Variants in ATP6V1G3 observed in about 807,000 individuals in gnomAD.
ATP6V1G3 encodes the protein V-type proton ATPase subunit G 3.
ATP6V1G3 carries 9 observed loss-of-function variants against 9.3 expected under a neutral mutation model. The ratio of observed to expected loss-of-function variants is 0.97; its 90% confidence interval spans 0.59 to 1.69. The LOEUF (loss-of-function observed/expected upper bound fraction) is 1.69. Ranked by LOEUF, ATP6V1G3 falls within the 40% of genes most tolerant of loss-of-function variation. ATP6V1G3 has a pLI of 0.00. For missense variants in ATP6V1G3, 133 were observed against 139.0 expected (o/e 0.96, Z 0.22); for synonymous variants, 43 against 43.8 (o/e 0.98, Z 0.07).
chr1:198,523,225 T>C lies in ATP6V1G3; in HGVS notation c.*166A>G. The stretch of plus-strand genomic sequence containing the variant: ...ACTAGAAAAGATATAGCAACAGTTG[T>C]ATTTTGTTTTGTTTAATTCAGTGCC... On this transcript the variant is annotated 3_prime_UTR_variant, in exon 3 of 3. Transcript: ENST00000367382. 1 of 645,764 alleles carries C rather than the reference T, an allele frequency of 1.5e-6. No individual in the cohort carries two copies. Among genetic ancestry groups the C allele is most frequent in the Non-Finnish European group, 2.6e-6 (1 of 385,060 alleles). The allele number at this position is 645,764 out of a possible 1,614,324, so 40.0% of individuals were successfully genotyped here.
rs977732012 is a variant in ATP6V1G3 at position 198,529,125 on chromosome 1, A to G, written c.139T>C (p.Tyr47His). Residue 47 changes from tyrosine to histidine, a missense_variant, in exon 2 of 3, where the codon TAC becomes CAC. Coordinates refer to ENST00000367382, the MANE Select transcript of ATP6V1G3 (RefSeq NM_001376861.1). Reference protein sequence around the residue: ...KEEAMVEIDQYRMQRDKEFRL... With the variant: ...KEEAMVEIDQHRMQRDKEFRL... Reference sequence around the variant, plus strand: ...AACTCTTTATCTCTCTGCATTCTGTACTGGTCAATTTCTACCATTGCTTCC... The same window carrying G: ...AACTCTTTATCTCTCTGCATTCTGTGCTGGTCAATTTCTACCATTGCTTCC... 4 of 1,487,792 alleles carry G rather than the reference A, an allele frequency of 2.7e-6. No homozygotes were observed. The African/African-American group carries it at 5.7e-5, about 21-fold the overall frequency. The allele number at this position is 1,487,792 out of a possible 1,614,324, so 92.2% of individuals were successfully genotyped here.
intron 1 of ATP6V1G3, among the ~76,000 whole-genome samples, chr1:198,538,218 G>A (rs1001255623): frequency 6.6e-6 from 1 of 152,136 alleles, no homozygotes; most frequent in Non-Finnish European, 1.5e-5. Context: ...TTAAGTTACT[G>A]GCAAATGAAA....
At chr1:198,535,270 A>G (rs1660061057) in intron 1 of ATP6V1G3, among the ~76,000 whole-genome samples, 2 of 152,166 alleles carry the variant, frequency 1.3e-5, no homozygotes, top group South Asian at 4.1e-4. Flanking sequence ...GGGCCATGAA[A>G]TTCTTATATA....
At chr1:198,530,896 G>A (rs1260647215) in intron 1 of ATP6V1G3, among the ~76,000 whole-genome samples, 4 of 151,738 alleles carry the variant, frequency 2.6e-5, no homozygotes, top group Admixed American at 1.3e-4. Context: ...ATGGGTTGTA[G>A]GATACATAAT....
At position 198,527,793 on chromosome 1, in the gene ATP6V1G3, A is replaced by G. The variant is rs545447424; in HGVS notation, c.183+1288T>C. On this transcript the variant is annotated intron_variant, in intron 2 of 2. Coordinates refer to ENST00000367382, the MANE Select transcript of ATP6V1G3 (RefSeq NM_001376861.1). ...AAGGAAAGATAGGCAATATGCAAAA[A>G]ACAATATAAAATATATCAGATAATG... 2.0e-4 allele frequency among the ~76,000 whole-genome samples: 30 copies of G among 152,314 alleles called. No homozygotes were observed. In the South Asian group the frequency reaches 6.2e-3, roughly 32 times the overall value.
intron 1 of ATP6V1G3, among the ~76,000 whole-genome samples, chr1:198,536,430 T>G (rs1660116492): frequency 6.6e-6 from 1 of 152,234 alleles, no homozygotes; most frequent in Non-Finnish European, 1.5e-5. Context: ...AGATCTCTGA[T>G]GTTTAGGTAA....
At chr1:198,538,771 C>T (rs937050330) in intron 1 of ATP6V1G3, among the ~76,000 whole-genome samples, 5 of 151,364 alleles carry the variant, frequency 3.3e-5, no homozygotes, top group South Asian at 2.1e-4. Flanking sequence ...GGTGTGGTGG[C>T]GTGTGTCTGT....
intron 1 of ATP6V1G3, 26 bp from the exon 2 acceptor site, chr1:198,529,207 TA>T: frequency 2.2e-6 from 1 of 459,390 alleles, no homozygotes. Context: ...TATATATATA[TA>T]TATATATAAT....
intron 1 of ATP6V1G3, chr1:198,536,779 T>G: frequency 7.5e-7 from 1 of 1,335,016 alleles, no homozygotes; most frequent in East Asian, 2.3e-5. Context: ...TATATCATTC[T>G]TCTATCATTA....
At chr1:198,535,533 T>A (rs1197224098) in intron 1 of ATP6V1G3, among the ~76,000 whole-genome samples, 2 of 151,990 alleles carry the variant, frequency 1.3e-5, no homozygotes, top group African/African-American at 4.8e-5. Flanking sequence ...TTTTCTTAAG[T>A]ATGTATTTTG....
At position 198,523,491 on chromosome 1, in the gene ATP6V1G3, C is replaced by G. The variant is rs759475189; in HGVS notation, c.257G>C (p.Gly86Ala). ...QTLGKIQELNGHYNKYMESVM... is the reference protein window; with the variant it reads ...QTLGKIQELNAHYNKYMESVM... ...ACTTTCCATATACTTATTGTAGTGT[C>G]CATTAAGTTCTTGTATCTTCCCTAG... The change falls in exon 3 of 3, where the codon GGA becomes GCA. Residue 86 changes from glycine (G) to alanine (A), a missense_variant. Physicochemically the swap from Gly to Ala is moderately conservative, Grantham distance 60 (BLOSUM62 0). Transcript: ENST00000367382. The G allele has an allele frequency of 6.2e-7, 1 of 1,613,002 alleles. No individual in the cohort carries two copies.
At chr1:198,536,781 C>A in intron 1 of ATP6V1G3, 2 of 1,317,178 alleles carry the variant, frequency 1.5e-6, no homozygotes, top group Non-Finnish European at 2.2e-6. Context: ...TATCATTCTT[C>A]TATCATTATT....
intron 2 of ATP6V1G3, among the ~76,000 whole-genome samples, chr1:198,528,010 A>G (rs1659730018): frequency 6.6e-6 from 1 of 152,130 alleles, no homozygotes; most frequent in Admixed American, 6.6e-5. Context: ...GGCATGTTCT[A>G]GCTGCTTGAG....
chr1:198,534,188 A>T (rs1202591913), intron 1 of ATP6V1G3, among the ~76,000 whole-genome samples: 1 of 152,174 alleles, frequency 6.6e-6, no homozygotes, highest in African/African-American at 2.4e-5. Flanking sequence ...GTCTTTGCAG[A>T]TGTAATCAGG....
intron 1 of ATP6V1G3, 96 bp from the exon 2 acceptor site, chr1:198,529,277 A>G (rs966596963): frequency 1.1e-5 from 3 of 280,084 alleles, no homozygotes; most frequent in Non-Finnish European, 1.7e-5. Flanking sequence ...ATATATATTA[A>G]CAACTGTACA....
intron 1 of ATP6V1G3, among the ~76,000 whole-genome samples, chr1:198,533,965 T>G (rs1272040891): frequency 6.6e-6 from 1 of 152,132 alleles, no homozygotes; most frequent in Non-Finnish European, 1.5e-5. Context: ...GAAGAAGTGT[T>G]CAATAGAAAA....
At chr1:198,535,226 G>A (rs1457633446) in intron 1 of ATP6V1G3, among the ~76,000 whole-genome samples, 1 of 152,020 alleles carries the variant, frequency 6.6e-6, no homozygotes, top group African/African-American at 2.4e-5. Flanking sequence ...AAAGGAAGAG[G>A]AAGTATTTAC....
chr1:198,527,102 C>A (rs1025308911), intron 2 of ATP6V1G3, among the ~76,000 whole-genome samples: 3 of 152,168 alleles, frequency 2.0e-5, no homozygotes, highest in Non-Finnish European at 4.4e-5. Context: ...AGATACAACA[C>A]CCACGGCACA....
chr1:198,532,971 G>A (rs1659965043), intron 1 of ATP6V1G3, among the ~76,000 whole-genome samples: 1 of 152,064 alleles, frequency 6.6e-6, no homozygotes, highest in Non-Finnish European at 1.5e-5. Context: ...ATTCATGAAG[G>A]GTTCTTAGCC....
Sources: allele counts gnomAD v4.1 joint callset (sites outside exome capture counted in the v4.1 genomes callset), GRCh38; gene constraint gnomAD v4.1.1; transcripts MANE v1.5; gene names NCBI Gene and HGNC (gene_info 2026-07-23, HGNC 2026-07-21).